COL10A1: variants seen among roughly 807,000 people sequenced by gnomAD.
COL10A1 encodes collagen alpha-1(X) chain.
COL10A1 carries 10 observed loss-of-function variants against 18.2 expected under a neutral mutation model. The ratio of observed to expected loss-of-function variants is 0.55; its 90% confidence interval spans 0.34 to 0.93. The LOEUF (loss-of-function observed/expected upper bound fraction) is 0.93, where lower values mean the gene tolerates loss of function less well. COL10A1 is among the 40% of genes least tolerant of loss of function. The pLI is 0.02. For synonymous variants in COL10A1, 330 were observed against 316.6 expected (o/e 1.04, Z -0.45); for missense variants, 897 against 853.5 (o/e 1.05, Z -0.64).
the COL10A1 span, among the ~76,000 whole-genome samples, chr6:116,210,128 T>C: frequency 6.6e-6 from 1 of 152,034 alleles, no homozygotes; most frequent in African/African-American, 2.4e-5. Flanking sequence ...AGAATGCATA[T>C]TGATGGATAC....
intron 1 of COL10A1, among the ~76,000 whole-genome samples, chr6:116,144,202 A>G (rs1412098019): frequency 6.6e-6 from 1 of 151,918 alleles, no homozygotes; most frequent in Non-Finnish European, 1.5e-5. Context: ...TTCTTCTTAC[A>G]ACATTAAAGT....
chr6:116,130,874 T>G (rs1189171539), upstream of COL10A1, among the ~76,000 whole-genome samples: 2 of 152,076 alleles, frequency 1.3e-5, no homozygotes, highest in African/African-American at 2.4e-5. Flanking sequence ...CGTACCAGAA[T>G]ATTGAAAAAA....
At chr6:116,180,442 T>G in the COL10A1 span, among the ~76,000 whole-genome samples, 1 of 152,046 alleles carries the variant, frequency 6.6e-6, no homozygotes, top group Non-Finnish European at 1.5e-5. Flanking sequence ...AATGAAATAA[T>G]GGACCTAGGT....
At position 116,120,665 on chromosome 6, in the gene COL10A1, C is replaced by A. The variant is rs769122278; in HGVS notation, c.1451G>T (p.Gly484Val). Residue 484 changes from glycine to valine, a missense_variant, in exon 3 of 3, where the codon GGC (glycine) becomes GTC (valine). Coordinates refer to ENST00000651968, the MANE Select transcript of COL10A1 (RefSeq NM_000493.4). ...PPGPAGIATK[G>V]LNGPTGPPGP... ...TGGTGGCCCGGTGGGTCCATTGAGGCCCTTAGTTGCTATGCCAGCTGGGCC... is the reference window on the plus strand; with the variant it reads ...TGGTGGCCCGGTGGGTCCATTGAGGACCTTAGTTGCTATGCCAGCTGGGCC... The A allele has an allele frequency of 6.5e-7, 1 of 1,545,782 alleles. No individual in the cohort carries two copies. The highest frequency in any genetic ancestry group is 1.3e-5 in the South Asian group (1 of 78,440).
chr6:116,167,459 G>A, the COL10A1 span, among the ~76,000 whole-genome samples: 1 of 152,034 alleles, frequency 6.6e-6, no homozygotes, highest in Non-Finnish European at 1.5e-5. Flanking sequence ...TGATCCACTT[G>A]CCTTGGCCTC....
intron 1 of COL10A1, among the ~76,000 whole-genome samples, chr6:116,150,583 C>T (rs931955512): frequency 6.6e-6 from 1 of 152,114 alleles, no homozygotes; most frequent in Non-Finnish European, 1.5e-5. Flanking sequence ...CTGCACCTGG[C>T]CTTGAAAATG....
chr6:116,162,598 C>A (rs888609155), upstream of COL10A1, among the ~76,000 whole-genome samples: 2 of 152,116 alleles, frequency 1.3e-5, no homozygotes, highest in Admixed American at 6.6e-5. Context: ...ATATGTTGAA[C>A]CATCCTTGTG....
chr6:116,193,349 A>G, the COL10A1 span, among the ~76,000 whole-genome samples: 1 of 152,100 alleles, frequency 6.6e-6, no homozygotes, highest in Non-Finnish European at 1.5e-5. Flanking sequence ...CTTTTAAACA[A>G]AAGGCAGGAA....
At position 116,119,888 on chromosome 6, in the gene COL10A1, A is replaced by C. The variant is rs986876434; in HGVS notation, c.*185T>G. 1.1e-5 allele frequency: 7 copies of C among 615,520 alleles called. No homozygotes were observed. Among genetic ancestry groups the C allele is most frequent in the Non-Finnish European group, 2.0e-5 (7 of 350,634 alleles). 38.1% of individuals were successfully genotyped at this position (615,520 alleles called of 1,614,324 possible). ...TAACTAGAAATTCAAGAGAGGCTTCACATACGTTTTTACGTTGCTGCTCAC... is the reference window on the plus strand; with the variant it reads ...TAACTAGAAATTCAAGAGAGGCTTCCCATACGTTTTTACGTTGCTGCTCAC... On this transcript the variant is annotated 3_prime_UTR_variant, in exon 3 of 3. Transcript: ENST00000651968.
upstream of COL10A1, among the ~76,000 whole-genome samples, chr6:116,162,254 TGGATG>T (rs2114429550): frequency 6.6e-6 from 1 of 152,340 alleles, no homozygotes; most frequent in East Asian, 1.9e-4. Context: ...TTTTCCGATT[TGGATG>T]CCTTTAATTT....
At chr6:116,159,072 A>G (rs1167656512), upstream of COL10A1, among the ~76,000 whole-genome samples, 2 of 152,212 alleles carry the variant, frequency 1.3e-5, no homozygotes, top group Admixed American at 6.5e-5. Context: ...TATTAGGGAA[A>G]TTACTTCCTG....
intron 1 of COL10A1, among the ~76,000 whole-genome samples, chr6:116,141,168 G>A (rs1301695317): frequency 6.6e-6 from 1 of 151,978 alleles, no homozygotes; most frequent in African/African-American, 2.4e-5. Context: ...ATACTGATTC[G>A]AATGATGGTG....
chr6:116,199,123 G>A, the COL10A1 span, among the ~76,000 whole-genome samples: 1 of 151,880 alleles, frequency 6.6e-6, no homozygotes, highest in Non-Finnish European at 1.5e-5. Context: ...GGGGTGAGGG[G>A]AGCTAAATCA....
rs1402236543 is a variant in COL10A1, at chr6:116,120,034, C to G, written c.*39G>C. 9.0e-6 allele frequency: 14 copies of G among 1,556,514 alleles called. No individual in the cohort carries two copies. The highest frequency in any genetic ancestry group is 1.2e-5 in the Non-Finnish European group (14 of 1,137,800). ...TAGGGTGGGGTAGAGTTAGAGAATG[C>G]TTTTTCTAGCACAAGATTTAGATTA... On this transcript the variant is annotated 3_prime_UTR_variant, in exon 3 of 3. Coordinates refer to ENST00000651968, the MANE Select transcript of COL10A1 (RefSeq NM_000493.4).
chr6:116,181,006 A>G, the COL10A1 span, among the ~76,000 whole-genome samples: 1 of 152,084 alleles, frequency 6.6e-6, no homozygotes, highest in African/African-American at 2.4e-5. Context: ...AAGAATTCTT[A>G]TCACTTAGAT....
At chr6:116,146,325 T>A (rs1174159087) in intron 1 of COL10A1, among the ~76,000 whole-genome samples, 1 of 152,216 alleles carries the variant, frequency 6.6e-6, no homozygotes, top group Non-Finnish European at 1.5e-5. Context: ...GGCGTCAACC[T>A]GTGATTTTTA....
At chr6:116,213,011 A>G in the COL10A1 span, among the ~76,000 whole-genome samples, 1 of 152,142 alleles carries the variant, frequency 6.6e-6, no homozygotes, top group African/African-American at 2.4e-5. Flanking sequence ...ATCTGTTTCT[A>G]AAAGGATTTG....
At chr6:116,144,458 G>T (rs889698122) in intron 1 of COL10A1, among the ~76,000 whole-genome samples, 52 of 150,118 alleles carry the variant, frequency 3.5e-4, no homozygotes, top group Admixed American at 2.9e-3. Context: ...CTGATGTTGT[G>T]CCACTGCACT....
chr6:116,205,253 G>A, the COL10A1 span, among the ~76,000 whole-genome samples: 1 of 151,890 alleles, frequency 6.6e-6, no homozygotes, highest in Non-Finnish European at 1.5e-5. Context: ...AGCTGGGCTG[G>A]ACAAGCTTGG....
Sources: gnomAD v4.1 joint callset for allele counts (sites outside exome capture counted in the v4.1 genomes callset) on GRCh38, gnomAD v4.1.1 for gene constraint, MANE v1.5 for transcripts, NCBI Gene and HGNC (gene_info 2026-07-23, HGNC 2026-07-21) for gene names.